Variants in SLC37A3 observed in about 807,000 individuals in gnomAD.
SLC37A3 encodes the protein sugar phosphate exchanger 3.
Under a neutral mutation model 67.1 loss-of-function variants are expected in SLC37A3, and 51 were observed. The ratio of observed to expected loss-of-function variants is 0.76; its 90% CI spans 0.61 to 0.96. The LOEUF (loss-of-function observed/expected upper bound fraction) is 0.96. Ranked by LOEUF, SLC37A3 falls within the 40% of genes least tolerant of loss-of-function variation. The pLI is 0.00. For missense variants in SLC37A3, 508 were observed against 603.0 expected (o/e 0.84, Z 1.65); for synonymous variants, 214 against 231.4 (o/e 0.92, Z 0.68).
At chr7:140,362,276 G>A (rs2117148685) in intron 5 of SLC37A3, among the ~76,000 whole-genome samples, 1 of 140,364 alleles carries the variant, frequency 7.1e-6, no homozygotes, top group South Asian at 2.6e-4. Context: ...TCTCTGCCCG[G>A]CCGCCCCGTC....
At position 140,335,401 on chromosome 7, in the gene SLC37A3, G is replaced by A. The variant is rs1007108520; in HGVS notation, c.*11C>T. The A allele has an allele frequency of 9.9e-6, 16 of 1,613,980 alleles. No individual in the cohort carries two copies. The highest frequency in any genetic ancestry group is 6.7e-5 in the East Asian group (3 of 44,884). ...TGGCTGACATTGTTCTTTCTGTCTC[G>A]CGGGCACCGGTCACTCCCTCAATAT... On this transcript the variant is annotated 3_prime_UTR_variant, in exon 15 of 15. Coordinates refer to ENST00000326232, the MANE Select transcript of SLC37A3 (RefSeq NM_207113.3).
At chr7:140,366,206 G>A (rs1207996732) in intron 4 of SLC37A3, among the ~76,000 whole-genome samples, 4 of 151,806 alleles carry the variant, frequency 2.6e-5, no homozygotes, top group African/African-American at 7.3e-5. Flanking sequence ...CAGACACCAC[G>A]CCCAGCCAAG....
intron 5 of SLC37A3, among the ~76,000 whole-genome samples, chr7:140,362,087 T>C (rs1797334816): frequency 8.7e-6 from 1 of 115,394 alleles, no homozygotes; most frequent in Non-Finnish European, 1.9e-5. Context: ...CCGGCCACCA[T>C]CCCATCTAGG....
intron 8 of SLC37A3, 60 bp from the exon 9 acceptor site, chr7:140,351,511 A>G: frequency 6.7e-7 from 1 of 1,496,028 alleles, no homozygotes; most frequent in Non-Finnish European, 9.1e-7. Flanking sequence ...AGGGCTCTGC[A>G]TACATCCCTA....
At chr7:140,373,885 G>A (rs1011393121) in intron 3 of SLC37A3, among the ~76,000 whole-genome samples, 11 of 151,910 alleles carry the variant, frequency 7.2e-5, no homozygotes, top group Non-Finnish European at 1.5e-5. Context: ...TAACAGACAC[G>A]AAGTGATGTG....
At chr7:140,378,770 G>A (rs1230029026) in intron 3 of SLC37A3, among the ~76,000 whole-genome samples, 1 of 151,658 alleles carries the variant, frequency 6.6e-6, no homozygotes, top group Non-Finnish European at 1.5e-5. Flanking sequence ...GATTCTGGCC[G>A]GGCGCAGTGG....
intron 10 of SLC37A3, among the ~76,000 whole-genome samples, chr7:140,348,086 T>C (rs1563013003): frequency 6.6e-6 from 1 of 152,218 alleles, no homozygotes; most frequent in Non-Finnish European, 1.5e-5. Flanking sequence ...GTTATATGAA[T>C]GGTCTCTCTG....
chr7:140,371,066 A>T (rs1342884024), intron 3 of SLC37A3, among the ~76,000 whole-genome samples: 2 of 152,210 alleles, frequency 1.3e-5, no homozygotes, highest in Non-Finnish European at 2.9e-5. Context: ...AGCTTAGGGA[A>T]GGGAGATTGC....
At chr7:140,383,211 A>T (rs1798324129) in intron 1 of SLC37A3, among the ~76,000 whole-genome samples, 3 of 152,042 alleles carry the variant, frequency 2.0e-5, no homozygotes, top group Non-Finnish European at 4.4e-5. Context: ...AAAAAAAAAA[A>T]AGAATTTCCA....
Position 140,351,355 on chromosome 7 carries a change from T to A in SLC37A3, c.800A>T (p.Tyr267Phe), listed in dbSNP as rs1305864172. ...GENEDEYEPN[Y>F]SIQDDSSVAQ... Reference sequence around the variant, plus strand: ...AACAGAACTATCATCTTGGATTGAATAATTCGGCTCATATTCGTCTTCATT... The same window carrying A: ...AACAGAACTATCATCTTGGATTGAAAAATTCGGCTCATATTCGTCTTCATT... Residue 267 changes from tyrosine (Y) to phenylalanine (F), a missense_variant, in exon 9 of 15, where the codon TAT (tyrosine) becomes TTT (phenylalanine). Physicochemically the swap from Tyr to Phe is conservative, Grantham distance 22 (BLOSUM62 3). Transcript: ENST00000326232. 1.2e-6 allele frequency: 2 copies of A among 1,614,196 alleles called. No individual in the cohort carries two copies. The highest frequency in any genetic ancestry group is 1.7e-6 in the Non-Finnish European group (2 of 1,180,036).
At chr7:140,343,343 G>C in intron 13 of SLC37A3, 69 bp downstream of exon 13, 1 of 1,604,556 alleles carries the variant, frequency 6.2e-7, no homozygotes, top group Non-Finnish European at 8.5e-7. Flanking sequence ...GAGGCCCAGA[G>C]GGCAGGTTCA....
intron 13 of SLC37A3, among the ~76,000 whole-genome samples, chr7:140,342,895 G>T (rs930002178): frequency 6.6e-6 from 1 of 152,196 alleles, no homozygotes; most frequent in African/African-American, 2.4e-5. Flanking sequence ...GCCACTCTTT[G>T]AGATACAGTC....
At chr7:140,384,597 T>C (rs1563050580) in intron 1 of SLC37A3, among the ~76,000 whole-genome samples, 1 of 151,320 alleles carries the variant, frequency 6.6e-6, no homozygotes, top group Non-Finnish European at 1.5e-5. Context: ...CTCATGTCTA[T>C]GGTCCCAGCT....
intron 3 of SLC37A3, among the ~76,000 whole-genome samples, chr7:140,378,183 C>T (rs1316718741): frequency 6.6e-6 from 1 of 152,192 alleles, no homozygotes; most frequent in Non-Finnish European, 1.5e-5. Context: ...TGAAATCCCA[C>T]AATTAGTGCT....
At chr7:140,379,625 G>A (rs1465144696) in intron 3 of SLC37A3, among the ~76,000 whole-genome samples, 4 of 152,056 alleles carry the variant, frequency 2.6e-5, no homozygotes, top group Non-Finnish European at 4.4e-5. Flanking sequence ...CAGGCGTGAT[G>A]GCTCACATTA....
At chr7:140,337,559 A>C in intron 13 of SLC37A3, 1 of 401,010 alleles carries the variant, frequency 2.5e-6, no homozygotes, top group East Asian at 3.9e-5. Context: ...AAAACCGTAT[A>C]ATAGAAGTTG....
At chr7:140,343,793 T>C (rs879760540) in intron 12 of SLC37A3, 18 of 485,628 alleles carry the variant, frequency 3.7e-5, no homozygotes, top group Non-Finnish European at 5.8e-5. Context: ...AACCCAAAGA[T>C]ACAAAAATAG....
chr7:140,382,469 G>A lies in SLC37A3; in HGVS notation c.58C>T (p.His20Tyr), dbSNP rs772198576. 7.4e-6 allele frequency: 12 copies of A among 1,614,166 alleles called. No homozygotes were observed. The highest frequency in any genetic ancestry group is 8.5e-6 in the Non-Finnish European group (10 of 1,180,014). Residue 20 changes from histidine (H) to tyrosine (Y), a missense_variant, in exon 2 of 15, where the codon CAT (histidine) becomes TAT (tyrosine). Transcript: ENST00000326232. Reference sequence around the variant, plus strand: ...AAAGTGAGCAGGAACACTACAACATGATGATGGCTGAACTGGGACAGCAGA... The same window carrying A: ...AAAGTGAGCAGGAACACTACAACATAATGATGGCTGAACTGGGACAGCAGA... ...GSLLSQFSHH[H>Y]VVVFLLTFFS... is the part of the protein sequence containing the mutation.
chr7:140,337,977 G>A (rs1384177342), intron 13 of SLC37A3, among the ~76,000 whole-genome samples: 4 of 149,806 alleles, frequency 2.7e-5, no homozygotes, highest in African/African-American at 9.9e-5. Flanking sequence ...TGCAAGCTCT[G>A]CCTCCCAGGT....
Sources: gnomAD v4.1 joint callset for allele counts (sites outside exome capture counted in the v4.1 genomes callset) on GRCh38, gnomAD v4.1.1 for gene constraint, MANE v1.5 for transcripts, NCBI Gene and HGNC (gene_info 2026-07-23, HGNC 2026-07-21) for gene names.